LPXN: variants seen among roughly 807,000 people sequenced by gnomAD.
LPXN encodes leupaxin.
LPXN carries 28 observed loss-of-function variants against 45.6 expected under a neutral mutation model. The ratio of observed to expected loss-of-function variants is 0.61; its 90% CI spans 0.45 to 0.84. The LOEUF (loss-of-function observed/expected upper bound fraction) is 0.84. Among genes scored for constraint, LPXN ranks in the 40% least tolerant of loss-of-function variants. The pLI is 0.00. For missense variants in LPXN, 459 were observed against 475.0 expected, an observed-to-expected ratio of 0.97 and a Z score of 0.31; for synonymous variants, 166 against 169.9, an observed-to-expected ratio of 0.98 and a Z score of 0.18.
At chr11:58,560,089 C>T (rs752916173) in intron 3 of LPXN, among the ~76,000 whole-genome samples, 1 of 152,148 alleles carries the variant, frequency 6.6e-6, no homozygotes, top group Non-Finnish European at 1.5e-5. Context: ...CGACTTTTTA[C>T]GCACATGAGT....
chr11:58,540,883 T>A, intron 7 of LPXN, among the ~76,000 whole-genome samples: 1 of 151,868 alleles, frequency 6.6e-6, no homozygotes, highest in Non-Finnish European at 1.5e-5. Context: ...AGCCGCAAAA[T>A]AAATACTTTT....
chr11:58,529,019 G>A (rs190971944), intron 7 of LPXN, among the ~76,000 whole-genome samples: 4 of 151,922 alleles, frequency 2.6e-5, no homozygotes, highest in Admixed American at 1.3e-4. Context: ...TGTATTTCCC[G>A]AAAGGCTAAT....
At position 58,528,044 on chromosome 11, in the gene LPXN, C is replaced by T. The variant is rs1853279151; in HGVS notation, c.890G>A (p.Gly297Glu). 1 of 1,613,738 alleles carries T rather than the reference C, an allele frequency of 6.2e-7. No individual in the cohort carries two copies. Among genetic ancestry groups the T allele is most frequent in the African/African-American group, 1.3e-5 (1 of 74,912 alleles). The stretch of plus-strand genomic sequence containing the variant: ...CGAAAGAAAAGTGATTATACAGACC[C>T]CACAAACAAAGCACTCTGGGTGCCA... ...TVWHPECFVC[G>E]DCFTSFSTGS... Residue 297 changes from glycine to glutamate, a missense_variant and splice_region_variant, in exon 8 of 9, where the codon GGG becomes GAG. By Grantham distance (98) the Gly-to-Glu change is moderately conservative. Transcript: ENST00000395074.
At chr11:58,553,425 A>G in intron 4 of LPXN, among the ~76,000 whole-genome samples, 1 of 152,214 alleles carries the variant, frequency 6.6e-6, no homozygotes, top group Admixed American at 6.5e-5. Context: ...ACGCAACACA[A>G]TTAAATCTAA....
At position 58,549,781 on chromosome 11, in the gene LPXN, C is replaced by G; in HGVS notation, c.742+5G>C. On this transcript the variant is annotated splice_donor_5th_base_variant and intron_variant, in intron 7 of 8. Transcript: ENST00000395074. ...TGGGATACAGCCTCTCAAGTCGGGT[C>G]ATACCTTCTGCACCAAACACCTCTC... 6.2e-7 allele frequency: 1 copy of G among 1,613,924 alleles called. No individual in the cohort carries two copies. The highest frequency in any genetic ancestry group is 1.7e-5 in the Admixed American group (1 of 60,022).
At position 58,527,190 on chromosome 11, in the gene LPXN, T is replaced by C. The variant is rs748415407; in HGVS notation, c.*264A>G. The C allele has an allele frequency of 1.2e-5, 5 of 413,024 alleles. No homozygotes were observed. In the South Asian group the frequency reaches 1.3e-4, roughly 11 times the overall value. The allele number at this position is 413,024 out of a possible 1,614,324, so 25.6% of individuals were successfully genotyped here. ...AAAATACATCTGTAGAGGGACGAGA[T>C]AGAAGGACCTAGATCTAACTCCAAG... On this transcript the variant is annotated 3_prime_UTR_variant, in exon 9 of 9. Transcript: ENST00000395074.
intron 3 of LPXN, among the ~76,000 whole-genome samples, chr11:58,555,150 G>C (rs956275701): frequency 6.6e-6 from 1 of 151,922 alleles, no homozygotes; most frequent in African/African-American, 2.4e-5. Flanking sequence ...ATTTCTCCCT[G>C]GTCATCTAAT....
In LPXN at chr11:58,527,266, T is replaced by A; in HGVS notation, c.*188A>T. 1 of 601,360 alleles carries A rather than the reference T, an allele frequency of 1.7e-6. No homozygotes were observed. The highest frequency in any genetic ancestry group is 2.9e-6 in the Non-Finnish European group (1 of 344,152). 37.3% of individuals were successfully genotyped at this position (601,360 alleles called of 1,614,324 possible). A position where few individuals can be genotyped will look rare whatever the true frequency, so the allele number is the denominator to read the frequency against. ...AAGAGAATTTATAGAATTAACTGTA[T>A]AGAAGCCTAAAAAATAAGATTATCA... On this transcript the variant is annotated 3_prime_UTR_variant, in exon 9 of 9. Transcript: ENST00000395074.
Position 58,527,349 on chromosome 11 carries a change from A to C in LPXN, c.*105T>G. ...TTTGCTCATCACCTTTCCTTTTTCT[A>C]TAAGACTATTAAGCAGAAGGTCAGT... is the stretch of plus-strand genomic sequence containing the variant. On this transcript the variant is annotated 3_prime_UTR_variant, in exon 9 of 9. Coordinates refer to ENST00000395074, the MANE Select transcript of LPXN (RefSeq NM_004811.3). 2 of 1,174,722 alleles carry C rather than the reference A, an allele frequency of 1.7e-6. No homozygotes were observed. The highest frequency in any genetic ancestry group is 2.4e-6 in the Non-Finnish European group (2 of 818,960). 72.8% of individuals were successfully genotyped at this position (1,174,722 alleles called of 1,614,324 possible).
intron 7 of LPXN, among the ~76,000 whole-genome samples, chr11:58,528,733 A>G (rs1370167051): frequency 6.6e-6 from 1 of 152,224 alleles, no homozygotes; most frequent in Non-Finnish European, 1.5e-5. Context: ...AAAGCATCTG[A>G]TATTTTAAAA....
At chr11:58,564,293 T>G in intron 2 of LPXN, 92 bp from the exon 3 acceptor site, 1 of 827,578 alleles carries the variant, frequency 1.2e-6, no homozygotes, top group South Asian at 1.5e-5. Flanking sequence ...AATAGATGTT[T>G]GTAGCTTTTA....
chr11:58,565,401 T>A (rs901890345), intron 2 of LPXN, among the ~76,000 whole-genome samples: 1 of 151,980 alleles, frequency 6.6e-6, no homozygotes, highest in Non-Finnish European at 1.5e-5. Context: ...GGAGTGGTGT[T>A]GCGTGCCTGT....
chr11:58,554,846 C>G lies in LPXN; in HGVS notation c.313G>C (p.Ala105Pro). ...ELMAHLTEMQAKVAVRADAGK... is the reference protein window; with the variant it reads ...ELMAHLTEMQPKVAVRADAGK... ...TCACCTTGGCCTGCACTCACCTTGGCCTGCATCTCAGTCAGGTGAGCCATG... is the reference window on the plus strand; with the variant it reads ...TCACCTTGGCCTGCACTCACCTTGGGCTGCATCTCAGTCAGGTGAGCCATG... Residue 105 changes from alanine to proline, a missense_variant, in exon 4 of 9, where the codon GCC becomes CCC. Physicochemically the swap from Ala to Pro is conservative, Grantham distance 27 (BLOSUM62 -1). Coordinates refer to ENST00000395074, the MANE Select transcript of LPXN (RefSeq NM_004811.3). The G allele has an allele frequency of 6.2e-7, 1 of 1,612,342 alleles. No individual in the cohort carries two copies. Among genetic ancestry groups the G allele is most frequent in the Non-Finnish European group, 8.5e-7 (1 of 1,178,904 alleles).
chr11:58,539,554 T>C (rs1853654282), intron 7 of LPXN, among the ~76,000 whole-genome samples: 1 of 152,046 alleles, frequency 6.6e-6, no homozygotes, highest in Non-Finnish European at 1.5e-5. Context: ...AGTAACCAAA[T>C]TGAAGGGGCT....
chr11:58,557,237 C>T (rs1037014716), intron 3 of LPXN, among the ~76,000 whole-genome samples: 2 of 152,176 alleles, frequency 1.3e-5, no homozygotes. Context: ...AAGATCTCTG[C>T]ACTCGTATGT....
At chr11:58,542,441 C>T (rs7109553) in intron 7 of LPXN, among the ~76,000 whole-genome samples, 65,997 of 151,282 alleles carry the variant, frequency 0.44, 14,639 homozygotes, top group Middle Eastern at 0.54. Flanking sequence ...TGATAATCTA[C>T]ATCAAGGTTT....
chr11:58,571,744 CAT>C (rs1389159155), intron 1 of LPXN, among the ~76,000 whole-genome samples: 2 of 150,350 alleles, frequency 1.3e-5, no homozygotes, highest in African/African-American at 4.9e-5. Flanking sequence ...AAAATTAACA[CAT>C]GCCAGGCACT....
intron 2 of LPXN, 70 bp downstream of exon 2, chr11:58,570,486 G>T: frequency 8.7e-7 from 1 of 1,152,138 alleles, no homozygotes; most frequent in Non-Finnish European, 1.2e-6. Flanking sequence ...TATTTTATGT[G>T]GGATTCTGTT....
chr11:58,553,655 G>A (rs1854117484), intron 4 of LPXN, among the ~76,000 whole-genome samples: 1 of 152,126 alleles, frequency 6.6e-6, no homozygotes, highest in Non-Finnish European at 1.5e-5. Flanking sequence ...TAAGGTCCCT[G>A]CCCTCTCCAA....
Sources: gnomAD v4.1 joint callset for allele counts (sites outside exome capture counted in the v4.1 genomes callset) on GRCh38, gnomAD v4.1.1 for gene constraint, MANE v1.5 for transcripts, NCBI Gene and HGNC (gene_info 2026-07-23, HGNC 2026-07-21) for gene names.